Variants in EPB41L4A observed in about 807,000 individuals in gnomAD.
EPB41L4A encodes erythrocyte membrane protein band 4.1 like 4A, also known as band 4.1-like protein 4A.
EPB41L4A carries 100 observed loss-of-function variants against 108.6 expected under a neutral mutation model. That is an observed-to-expected ratio of 0.92 (90% CI 0.78 to 1.09). The LOEUF (loss-of-function observed/expected upper bound fraction) is 1.09. Among genes scored for constraint, EPB41L4A ranks in the 50% least tolerant of loss-of-function variants. The pLI is 0.00. For missense variants in EPB41L4A, 1,030 were observed against 842.7 expected (o/e 1.22, Z -2.75); for synonymous variants, 319 against 289.0 (o/e 1.10, Z -1.05).
intron 7 of EPB41L4A, among the ~76,000 whole-genome samples, chr5:112,262,103 G>A (rs1751534010): frequency 6.6e-6 from 1 of 152,018 alleles, no homozygotes; most frequent in Non-Finnish European, 1.5e-5. Flanking sequence ...TGTTGGCCAG[G>A]CTGGTCTCAA....
chr5:112,192,446 T>C (rs1761750845), intron 17 of EPB41L4A, among the ~76,000 whole-genome samples: 1 of 152,216 alleles, frequency 6.6e-6, no homozygotes, highest in African/African-American at 2.4e-5. Context: ...ATACGTAGCA[T>C]AAATGATTGT....
At chr5:112,166,311 G>A (rs1324435190) in intron 22 of EPB41L4A, among the ~76,000 whole-genome samples, 2 of 152,134 alleles carry the variant, frequency 1.3e-5, no homozygotes, top group South Asian at 2.1e-4. Flanking sequence ...CCCCTTCTCC[G>A]CTTGGCAGCC....
chr5:112,251,682 G>C (rs1750683407), intron 9 of EPB41L4A, among the ~76,000 whole-genome samples: 1 of 152,214 alleles, frequency 6.6e-6, no homozygotes, highest in Admixed American at 6.5e-5. Flanking sequence ...AGGAAAATGG[G>C]AGTTGAGTTT....
chr5:112,300,808 ATC>A (rs1357011389), intron 2 of EPB41L4A, among the ~76,000 whole-genome samples: 1 of 152,034 alleles, frequency 6.6e-6, no homozygotes, highest in Non-Finnish European at 1.5e-5. Flanking sequence ...ACTTAATGTA[ATC>A]TCACATTTCT....
At chr5:112,260,315 C>CTTA (rs1472342379) in intron 7 of EPB41L4A, among the ~76,000 whole-genome samples, 1 of 152,204 alleles carries the variant, frequency 6.6e-6, no homozygotes, top group Admixed American at 6.5e-5. Flanking sequence ...CACTGTGCAG[C>CTTA]TTAAAATGCT....
At chr5:112,343,761 AAG>A (rs555652332) in intron 1 of EPB41L4A, among the ~76,000 whole-genome samples, 1 of 152,222 alleles carries the variant, frequency 6.6e-6, no homozygotes, top group Admixed American at 6.5e-5. Context: ...AATAAATAGC[AAG>A]AGAGAGAGAA....
At chr5:112,371,443 G>A (rs6884339) in intron 1 of EPB41L4A, among the ~76,000 whole-genome samples, 3,233 of 152,282 alleles carry the variant, frequency 0.021, 116 homozygotes, top group African/African-American at 0.065. Flanking sequence ...AAGCTGCAGT[G>A]CAGTACTTAA....
intron 1 of EPB41L4A, among the ~76,000 whole-genome samples, chr5:112,330,600 C>A (rs1019278379): frequency 5.3e-5 from 8 of 151,902 alleles, no homozygotes; most frequent in Non-Finnish European, 1.0e-4. Context: ...GATGAGAAAA[C>A]TGAGGAATGG....
intron 14 of EPB41L4A, among the ~76,000 whole-genome samples, chr5:112,204,978 C>A (rs1762402591): frequency 6.6e-6 from 1 of 152,246 alleles, no homozygotes; most frequent in East Asian, 1.9e-4. Flanking sequence ...AGTTACAACA[C>A]AGGTCTGTCA....
chr5:112,188,538 A>T (rs987152824), intron 17 of EPB41L4A, among the ~76,000 whole-genome samples: 1 of 152,102 alleles, frequency 6.6e-6, no homozygotes, highest in Non-Finnish European at 1.5e-5. Flanking sequence ...TTCCACAGTC[A>T]TCTCTGCCAA....
intron 2 of EPB41L4A, among the ~76,000 whole-genome samples, chr5:112,305,297 G>T (rs1245310579): frequency 2.0e-5 from 3 of 152,098 alleles, no homozygotes; most frequent in Non-Finnish European, 2.9e-5. Flanking sequence ...GTGCACTGAT[G>T]ATGATGGTGG....
At chr5:112,345,774 TATATATACACACACACACACAC>T (rs1209001798) in intron 1 of EPB41L4A, among the ~76,000 whole-genome samples, 2 of 36,240 alleles carry the variant, frequency 5.5e-5, no homozygotes, top group African/African-American at 1.8e-4. Flanking sequence ...TATACATATA[TATATATACACACACACACACAC>T]ACACACACAC....
rs4501377 is a variant in EPB41L4A at position 112,235,384 on chromosome 5, T to C, written c.966-629A>G. On this transcript the variant is annotated intron_variant, in intron 11 of 22. Coordinates refer to ENST00000261486, the MANE Select transcript of EPB41L4A (RefSeq NM_022140.5). ...CAAGTAATTTTCCCAAGGAATCATG[T>C]GATTTAGTTTGCTGGATTTCAGTGA... is the stretch of plus-strand genomic sequence containing the variant. 3.0e-4 allele frequency among the ~76,000 whole-genome samples: 45 copies of C among 152,302 alleles called. 1 individual carries two copies. In the South Asian group the frequency reaches 8.7e-3, roughly 30 times the overall value.
intron 16 of EPB41L4A, among the ~76,000 whole-genome samples, chr5:112,195,259 A>G (rs1761904920): frequency 6.6e-6 from 1 of 152,114 alleles, no homozygotes; most frequent in Non-Finnish European, 1.5e-5. Context: ...CAAGATGCCA[A>G]CACGAAAGAG....
At chr5:112,218,189 A>G (rs1747793197) in intron 12 of EPB41L4A, among the ~76,000 whole-genome samples, 1 of 152,134 alleles carries the variant, frequency 6.6e-6, no homozygotes, top group Non-Finnish European at 1.5e-5. Context: ...TAGAACTTCA[A>G]AGGAGTAGGA....
chr5:112,242,723 CTTGAAAG>C (rs1354636410), intron 9 of EPB41L4A, among the ~76,000 whole-genome samples: 1 of 152,182 alleles, frequency 6.6e-6, no homozygotes, highest in East Asian at 1.9e-4. Flanking sequence ...TTTCTTAATA[CTTGAAAG>C]TTGAAGTTAC....
chr5:112,310,453 T>C (rs953887122), intron 1 of EPB41L4A, among the ~76,000 whole-genome samples: 3 of 152,220 alleles, frequency 2.0e-5, no homozygotes, highest in African/African-American at 7.2e-5. Flanking sequence ...GCACCCTGTC[T>C]TCATCCTGAC....
intron 2 of EPB41L4A, among the ~76,000 whole-genome samples, chr5:112,286,336 G>A (rs985513442): frequency 1.3e-5 from 2 of 152,094 alleles, no homozygotes; most frequent in Admixed American, 6.5e-5. Flanking sequence ...ATAACTGGAG[G>A]CTCACATTGC....
In EPB41L4A at chr5:112,234,729, C is replaced by A. The variant is rs199666804; in HGVS notation, c.992G>T (p.Arg331Leu). The A allele has an allele frequency of 1.9e-6, 3 of 1,612,006 alleles. No homozygotes were observed. The highest frequency in any genetic ancestry group is 2.5e-6 in the Non-Finnish European group (3 of 1,178,578). Reference protein sequence around the residue: ...YSGRTALQMSRDLSIQLPRPD... With the variant: ...YSGRTALQMSLDLSIQLPRPD... Reference sequence around the variant, plus strand: ...CCGGGGAAGCTGAATAGAAAGATCTCGGCTCATTTGCAAAGCTGTCCTGCC... The same window carrying A: ...CCGGGGAAGCTGAATAGAAAGATCTAGGCTCATTTGCAAAGCTGTCCTGCC... Residue 331 changes from arginine (R) to leucine (L), a missense_variant, in exon 12 of 23, where the codon CGA (arginine) becomes CTA (leucine). Arg to Leu is a moderately radical substitution (Grantham distance 102, BLOSUM62 -2). Coordinates refer to ENST00000261486, the MANE Select transcript of EPB41L4A (RefSeq NM_022140.5).
Sources: gnomAD v4.1 joint callset for allele counts (sites outside exome capture counted in the v4.1 genomes callset) on GRCh38, gnomAD v4.1.1 for gene constraint, MANE v1.5 for transcripts, NCBI Gene and HGNC (gene_info 2026-07-23, HGNC 2026-07-21) for gene names.